FMN2: variants seen among roughly 807,000 people sequenced by gnomAD.
The protein encoded by FMN2 is formin 2.
A neutral mutation model predicts 142.3 loss-of-function variants in FMN2; 51 were observed. The ratio of observed to expected loss-of-function variants is 0.36; its 90% CI spans 0.29 to 0.45. FMN2 has a LOEUF of 0.45. FMN2 is among the 20% of genes least tolerant of loss of function. FMN2 has a pLI of 1.00. For missense variants in FMN2, 1,936 were observed against 2,122.8 expected (o/e 0.91, Z 1.73); for synonymous variants, 882 against 869.8 (o/e 1.01, Z -0.25).
rs747046624 is a variant in FMN2, at chr1:240,258,006, A to G, written c.4127A>G (p.His1376Arg). The G allele has an allele frequency of 6.2e-7, 1 of 1,612,566 alleles. No individual in the cohort carries two copies. Among genetic ancestry groups the G allele is most frequent in the South Asian group, 1.1e-5 (1 of 90,554 alleles). Residue 1376 changes from histidine (H) to arginine (R), a missense_variant, in exon 7 of 18, where the codon CAT becomes CGT. Physicochemically the swap from His to Arg is conservative, Grantham distance 29. This residue lies in a region of FMN2 where 322 missense variants were observed against 401.6 expected (regional missense o/e 0.80). Transcript: ENST00000319653. ...QAVGILMSSL[H>R]LDMKDIQHAV... Reference sequence around the variant, plus strand: ...GTTGGAATACTAATGTCTAGCCTTCATTTAGATATGAAAGACATACAACAT... The same window carrying G: ...GTTGGAATACTAATGTCTAGCCTTCGTTTAGATATGAAAGACATACAACAT...
At chr1:240,424,064 C>A (rs1674856594) in intron 15 of FMN2, among the ~76,000 whole-genome samples, 1 of 152,154 alleles carries the variant, frequency 6.6e-6, no homozygotes, top group African/African-American at 2.4e-5. Context: ...AAATTTATTT[C>A]TTTCAGCATG....
rs183129245 is a variant in FMN2, at chr1:240,154,997, C to G, written c.1783-22924C>G. Among the ~76,000 whole-genome samples the G allele has an allele frequency of 5.3e-5, 8 of 151,566 alleles. No individual in the cohort carries two copies. The South Asian group carries it at 6.3e-4, about 12-fold the overall frequency. ...AACCTTTCAGACTTAAGCAATCCCCCCCCCGACCTTGACCTCCTGAGTAGC... is the reference window on the plus strand; with the variant it reads ...AACCTTTCAGACTTAAGCAATCCCCGCCCCGACCTTGACCTCCTGAGTAGC... On this transcript the variant is annotated intron_variant, in intron 2 of 17. Transcript: ENST00000319653.
At chr1:240,330,543 G>T in intron 10 of FMN2, 60 bp from the exon 11 acceptor site, 1 of 1,566,356 alleles carries the variant, frequency 6.4e-7, no homozygotes, top group Non-Finnish European at 8.6e-7. Flanking sequence ...TCAACTCGAT[G>T]ATTCAAACAA....
At chr1:240,300,737 A>G (rs1670169597) in intron 8 of FMN2, among the ~76,000 whole-genome samples, 1 of 152,204 alleles carries the variant, frequency 6.6e-6, no homozygotes, top group South Asian at 2.1e-4. Context: ...GCTAGGTAGT[A>G]TATTAGGCAC....
At chr1:240,217,790 A>C (rs1666959519) in intron 6 of FMN2, among the ~76,000 whole-genome samples, 1 of 151,670 alleles carries the variant, frequency 6.6e-6, no homozygotes, top group Admixed American at 6.6e-5. Context: ...TATACTTCTA[A>C]GTAAATGGCT....
At chr1:240,194,385 G>T (rs1235040598) in intron 4 of FMN2, among the ~76,000 whole-genome samples, 8 of 152,212 alleles carry the variant, frequency 5.3e-5, no homozygotes, top group Non-Finnish European at 8.8e-5. Flanking sequence ...GGTAAGGACA[G>T]ATTTTATATC....
chr1:240,159,406 T>C (rs149867495), intron 2 of FMN2, among the ~76,000 whole-genome samples: 1,536 of 152,264 alleles, frequency 0.01, 26 homozygotes, highest in African/African-American at 0.035. Flanking sequence ...CTGTATTCTG[T>C]GGCTTCTGTA....
At chr1:240,424,678 C>T (rs1435451883) in intron 15 of FMN2, among the ~76,000 whole-genome samples, 1 of 152,170 alleles carries the variant, frequency 6.6e-6, no homozygotes, top group Non-Finnish European at 1.5e-5. Context: ...TAAGGATGCT[C>T]ACAGGTGTCT....
At chr1:240,235,804 T>C (rs1427022484) in intron 6 of FMN2, 1 of 152,166 alleles carries the variant, frequency 6.6e-6, no homozygotes, top group Non-Finnish European at 1.5e-5. Context: ...AGTCAACCAG[T>C]ACCTTTGAGA....
At chr1:240,267,522 ATAAC>A (rs1190822444) in intron 7 of FMN2, among the ~76,000 whole-genome samples, 1 of 151,964 alleles carries the variant, frequency 6.6e-6, no homozygotes, top group African/African-American at 2.4e-5. Flanking sequence ...ATCGGGAAAA[ATAAC>A]TAATGGGTAC....
At chr1:240,422,630 C>T (rs563280193) in intron 15 of FMN2, among the ~76,000 whole-genome samples, 3 of 152,156 alleles carry the variant, frequency 2.0e-5, no homozygotes, top group East Asian at 1.9e-4. Context: ...GTATTAGCTC[C>T]GGGAGTTATT....
At position 240,148,367 on chromosome 1, in the gene FMN2, CAG is replaced by C. The variant is rs570524534; in HGVS notation, c.1782+25036_1782+25037del. ...AGAGAGAAAGACAGAGAGACAGAGA[CAG>C]AGAGAGAGAGAGAAAGACAGAGAGA... On this transcript the variant is annotated intron_variant, in intron 2 of 17. Coordinates refer to ENST00000319653, the MANE Select transcript of FMN2 (RefSeq NM_020066.5). Among the ~76,000 whole-genome samples the C allele has an allele frequency of 1.8e-3, 169 of 92,108 alleles. 1 individual carries two copies. The highest frequency in any genetic ancestry group is 2.8e-3 in the South Asian group (7 of 2,466). 60.4% of individuals were successfully genotyped at this position (92,108 alleles called of 152,430 possible). A position where few individuals can be genotyped will look rare whatever the true frequency, so the allele number is the denominator to read the frequency against.
In FMN2 at chr1:240,171,062, G is replaced by T. The variant is rs1435577047; in HGVS notation, c.1783-6859G>T. 8.2e-6 allele frequency: 11 copies of T among 1,342,690 alleles called. No individual in the cohort carries two copies. The Admixed American group carries it at 1.7e-4, about 21-fold the overall frequency. The allele number at this position is 1,342,690 out of a possible 1,614,324, so 83.2% of individuals were successfully genotyped here. The stretch of plus-strand genomic sequence containing the variant: ...GTGGTGGTTGGAGTAGCTGCTTCAG[G>T]TCAAGAAATTGCCACTCATCCATTC... On this transcript the variant is annotated intron_variant, in intron 2 of 17. Coordinates refer to ENST00000319653, the MANE Select transcript of FMN2 (RefSeq NM_020066.5).
At chr1:240,110,288 C>G (rs1558299680) in intron 1 of FMN2, among the ~76,000 whole-genome samples, 1 of 152,202 alleles carries the variant, frequency 6.6e-6, no homozygotes, top group Non-Finnish European at 1.5e-5. Flanking sequence ...CGGGCAGACT[C>G]TAGAACCTTT....
chr1:240,191,408 C>T (rs1558349859), intron 4 of FMN2, among the ~76,000 whole-genome samples: 1 of 152,184 alleles, frequency 6.6e-6, no homozygotes, highest in African/African-American at 2.4e-5. Context: ...CGGACTGTAG[C>T]TACTCCTTGA....
At chr1:240,273,361 G>T (rs1157568676) in intron 7 of FMN2, among the ~76,000 whole-genome samples, 1 of 152,184 alleles carries the variant, frequency 6.6e-6, no homozygotes, top group Non-Finnish European at 1.5e-5. Flanking sequence ...GCATAGAGTA[G>T]TAAAAGAAAC....
At position 240,093,501 on chromosome 1, in the gene FMN2, C is replaced by T. The variant is rs1661085879; in HGVS notation, c.1392C>T (p.Ala464=). ...GAACTGCCCTGGCCTCCGTAGCCGC[C>T]CCGGCCAAGAAGCACCGGGCCGACG... The part of the protein sequence containing the change: ...GSRTALASVA[A]PAKKHRADGG... Residue 464 remains alanine, a synonymous_variant, in exon 1 of 18, where the codon GCC becomes GCT. Coordinates refer to ENST00000319653, the MANE Select transcript of FMN2 (RefSeq NM_020066.5). The T allele has an allele frequency of 6.3e-7, 1 of 1,596,722 alleles. No homozygotes were observed.
At chr1:240,417,007 T>C (rs972676411) in intron 15 of FMN2, among the ~76,000 whole-genome samples, 1 of 151,896 alleles carries the variant, frequency 6.6e-6, no homozygotes, top group African/African-American at 2.4e-5. Context: ...GTTATAACTT[T>C]GTTATTTTCT....
In FMN2 at chr1:240,093,364, A is replaced by G. The variant is rs549042179; in HGVS notation, c.1255A>G (p.Ile419Val). The change falls in exon 1 of 18, where the codon ATC becomes GTC. Residue 419 changes from isoleucine to valine, a missense_variant. By Grantham distance (29) the Ile-to-Val change is conservative. Transcript: ENST00000319653. ...CTACCCGCTCATCACCCCCTGCTAC[A>G]TCAAGACCACCACCCGGCAGCTCAG... is the stretch of plus-strand genomic sequence containing the variant. ...KPYPLITPCY[I>V]KTTTRQLSSP... The G allele has an allele frequency of 6.2e-7, 1 of 1,613,012 alleles. No homozygotes were observed. The highest frequency in any genetic ancestry group is 2.2e-5 in the East Asian group (1 of 44,670).
Sources: gnomAD v4.1 joint callset for allele counts (sites outside exome capture counted in the v4.1 genomes callset) on GRCh38, gnomAD v4.1.1 for gene constraint, gnomAD v4.1.1 regional missense constraint, MANE v1.5 for transcripts, NCBI Gene and HGNC (gene_info 2026-07-23, HGNC 2026-07-21) for gene names.